The following ADGRB3 variants were observed in gnomAD, a reference collection of about 807,000 sequenced individuals.
ADGRB3 encodes adhesion G protein-coupled receptor B3.
A neutral mutation model predicts 193.4 loss-of-function variants in ADGRB3; 37 were observed. That is an observed-to-expected ratio of 0.19 (90% CI 0.15 to 0.25). The LOEUF (loss-of-function observed/expected upper bound fraction) is 0.25, where lower values mean the gene tolerates loss of function less well. Among genes scored for constraint, ADGRB3 ranks in the 10% least tolerant of loss-of-function variants. The pLI is 1.00. For missense variants in ADGRB3, 1,637 were observed against 1,852.9 expected (o/e 0.88, Z 2.14); for synonymous variants, 690 against 644.2 (o/e 1.07, Z -1.08).
intron 20 of ADGRB3, among the ~76,000 whole-genome samples, chr6:69,253,146 T>C (rs557987299): frequency 6.6e-6 from 1 of 152,220 alleles, no homozygotes; most frequent in South Asian, 2.1e-4. Flanking sequence ...GTGATCTATC[T>C]TTCCTTATGT....
chr6:68,661,552 T>C (rs868272969), intron 3 of ADGRB3, among the ~76,000 whole-genome samples: 1,775 of 130,810 alleles, frequency 0.014, 287 homozygotes, highest in Non-Finnish European at 0.02. Flanking sequence ...TATATATATA[T>C]ATATATATAT....
At chr6:68,897,877 AAAG>A (rs1479750167) in intron 3 of ADGRB3, among the ~76,000 whole-genome samples, 1 of 149,494 alleles carries the variant, frequency 6.7e-6, no homozygotes, top group Non-Finnish European at 1.5e-5. Context: ...AGAAAGAAAG[AAAG>A]AAAGAAAAAA....
chr6:69,046,009 C>T (rs1771226182), intron 13 of ADGRB3, among the ~76,000 whole-genome samples: 1 of 152,088 alleles, frequency 6.6e-6, no homozygotes, highest in African/African-American at 2.4e-5. Context: ...GCATGTACAA[C>T]TATATCAATT....
intron 20 of ADGRB3, among the ~76,000 whole-genome samples, chr6:69,281,452 T>C (rs570088818): frequency 1.5e-4 from 23 of 152,330 alleles, no homozygotes; most frequent in African/African-American, 5.5e-4. Flanking sequence ...CCAATCTGAA[T>C]GTAATGCTGC....
intron 3 of ADGRB3, among the ~76,000 whole-genome samples, chr6:68,698,712 G>A (rs1765194171): frequency 6.6e-6 from 1 of 151,994 alleles, no homozygotes; most frequent in Non-Finnish European, 1.5e-5. Context: ...GTGGTTTAGT[G>A]AGAGGGTGCT....
chr6:69,361,404 C>G lies in ADGRB3; in HGVS notation c.4131C>G (p.Pro1377=), dbSNP rs779045679. The part of the protein sequence containing the change: ...LAPQEHMQNL[P]FEPRTAVKNF... ...CCCAGGAACATATGCAGAATTTGCC[C>G]TTTGAACCTCGCACAGCTGTGAAGA... is the stretch of plus-strand genomic sequence containing the variant. The change falls in exon 29 of 32, where the codon CCC becomes CCG. Residue 1377 remains proline (P), a synonymous_variant. Transcript: ENST00000370598. The G allele has an allele frequency of 8.7e-6, 14 of 1,612,830 alleles. No individual in the cohort carries two copies. In the Admixed American group the frequency reaches 2.3e-4, roughly 27 times the overall value.
At chr6:69,305,766 C>T (rs925693403) in intron 20 of ADGRB3, among the ~76,000 whole-genome samples, 1 of 151,338 alleles carries the variant, frequency 6.6e-6, no homozygotes, top group African/African-American at 2.4e-5. Flanking sequence ...CCTTCTCTTA[C>T]TGTTTAAGCC....
intron 30 of ADGRB3, among the ~76,000 whole-genome samples, chr6:69,373,964 G>T (rs1769760030): frequency 6.6e-6 from 1 of 151,970 alleles, no homozygotes; most frequent in Non-Finnish European, 1.5e-5. Context: ...ATTCTCTATG[G>T]CAACTGGTAG....
At chr6:69,202,379 G>T (rs1054398390) in intron 17 of ADGRB3, among the ~76,000 whole-genome samples, 4 of 151,944 alleles carry the variant, frequency 2.6e-5, no homozygotes, top group African/African-American at 9.7e-5. Flanking sequence ...TATATTTAGG[G>T]CATTAACACT....
chr6:69,074,479 G>A (rs1032684658), intron 16 of ADGRB3, among the ~76,000 whole-genome samples: 2 of 151,822 alleles, frequency 1.3e-5, no homozygotes, highest in Non-Finnish European at 2.9e-5. Flanking sequence ...TAGCTTGCTG[G>A]CAATGAGGTA....
At chr6:68,691,219 T>C (rs1267200758) in intron 3 of ADGRB3, among the ~76,000 whole-genome samples, 1 of 152,114 alleles carries the variant, frequency 6.6e-6, no homozygotes, top group African/African-American at 2.4e-5. Flanking sequence ...CATGACTTTT[T>C]TTCTTAATTA....
chr6:69,033,334 T>C (rs1016550101), intron 13 of ADGRB3, among the ~76,000 whole-genome samples: 1 of 152,174 alleles, frequency 6.6e-6, no homozygotes, highest in African/African-American at 2.4e-5. Flanking sequence ...ATAAATAGTT[T>C]CTGCTTTAAT....
chr6:68,900,697 G>T (rs1766370492), intron 3 of ADGRB3, among the ~76,000 whole-genome samples: 1 of 152,026 alleles, frequency 6.6e-6, no homozygotes, highest in African/African-American at 2.4e-5. Flanking sequence ...CAGCAATCTG[G>T]CTGCATCTAT....
chr6:68,796,722 A>C (rs1293591007), intron 3 of ADGRB3, among the ~76,000 whole-genome samples: 3 of 152,194 alleles, frequency 2.0e-5, no homozygotes, highest in African/African-American at 7.2e-5. Context: ...GGGAACTGTA[A>C]CAACTTAGGC....
At chr6:68,901,073 A>G (rs530920798) in intron 3 of ADGRB3, among the ~76,000 whole-genome samples, 51 of 152,304 alleles carry the variant, frequency 3.3e-4, no homozygotes, top group East Asian at 1.2e-3. Flanking sequence ...TATCTAAATA[A>G]CAAATTACCT....
At chr6:69,207,509 T>C (rs1336548529) in intron 17 of ADGRB3, among the ~76,000 whole-genome samples, 1 of 152,186 alleles carries the variant, frequency 6.6e-6, no homozygotes, top group East Asian at 1.9e-4. Flanking sequence ...TCCACACCAC[T>C]GGATCCCTAG....
chr6:69,095,553 C>T (rs1407882313), intron 17 of ADGRB3, among the ~76,000 whole-genome samples: 1 of 152,110 alleles, frequency 6.6e-6, no homozygotes, highest in African/African-American at 2.4e-5. Context: ...TATTAAAGTC[C>T]AGGCTAAAAA....
intron 3 of ADGRB3, among the ~76,000 whole-genome samples, chr6:68,851,919 T>G (rs1582254851): frequency 6.6e-6 from 1 of 151,898 alleles, no homozygotes; most frequent in Non-Finnish European, 1.5e-5. Flanking sequence ...TATTCTTGAC[T>G]GATTCATGAA....
At chr6:69,049,400 AT>A in intron 15 of ADGRB3, 54 bp downstream of exon 15, 1 of 1,254,654 alleles carries the variant, frequency 8.0e-7, no homozygotes, top group Non-Finnish European at 1.1e-6. Context: ...CCAAAATGTG[AT>A]TATAGCTCAT....
Sources: allele counts gnomAD v4.1 joint callset (sites outside exome capture counted in the v4.1 genomes callset), GRCh38; gene constraint gnomAD v4.1.1; transcripts MANE v1.5; gene names NCBI Gene and HGNC (gene_info 2026-07-23, HGNC 2026-07-21).